The following CSMD1 variants were observed in gnomAD, a reference collection of about 807,000 sequenced individuals.
CSMD1 encodes CUB and sushi domain-containing protein 1.
A neutral mutation model predicts 417.5 loss-of-function variants in CSMD1; 213 were observed. The ratio of observed to expected loss-of-function variants is 0.51; its 90% confidence interval spans 0.46 to 0.57. CSMD1 has a LOEUF of 0.57. CSMD1 is among the 20% of genes least tolerant of loss of function. The probability of loss-of-function intolerance (pLI) is 0.00; values close to 1 mark genes in which losing one functional copy is unlikely to be tolerated. For synonymous variants in CSMD1, 2,862 were observed against 1,736.8 expected (o/e 1.65, Z -16.11); for missense variants, 6,923 against 4,529.7 (o/e 1.53, Z -15.17).
At chr8:3,974,737 T>G (rs982513167) in intron 5 of CSMD1, among the ~76,000 whole-genome samples, 1 of 151,964 alleles carries the variant, frequency 6.6e-6, no homozygotes, top group Non-Finnish European at 1.5e-5. Context: ...CAGGCAAAAC[T>G]AAATTTTGGT....
At chr8:3,185,830 T>G (rs2129049325) in intron 36 of CSMD1, among the ~76,000 whole-genome samples, 1 of 152,280 alleles carries the variant, frequency 6.6e-6, no homozygotes, top group Non-Finnish European at 1.5e-5. Flanking sequence ...CTGAAGAAAC[T>G]TAAATCTCTA....
At chr8:4,825,404 T>G (rs535119843) in intron 1 of CSMD1, among the ~76,000 whole-genome samples, 9 of 152,224 alleles carry the variant, frequency 5.9e-5, no homozygotes, top group African/African-American at 1.4e-4. Flanking sequence ...TATAATGCAG[T>G]GATGGTGACT....
intron 50 of CSMD1, among the ~76,000 whole-genome samples, chr8:3,048,527 T>A (rs556577257): frequency 8.5e-5 from 13 of 152,208 alleles, no homozygotes; most frequent in African/African-American, 3.1e-4. Context: ...AAACTGGATA[T>A]CTACATTCTA....
chr8:3,882,306 C>T (rs1057083475), intron 5 of CSMD1, among the ~76,000 whole-genome samples: 6 of 152,196 alleles, frequency 3.9e-5, no homozygotes, highest in African/African-American at 1.4e-4. Context: ...AGTCATTCAA[C>T]TTCATTAGCA....
At chr8:4,095,666 G>A (rs1800969962) in intron 3 of CSMD1, among the ~76,000 whole-genome samples, 1 of 152,128 alleles carries the variant, frequency 6.6e-6, no homozygotes, top group African/African-American at 2.4e-5. Flanking sequence ...ACAACTGAGG[G>A]TTCTTGTAAA....
At chr8:3,623,177 A>T (rs191012939) in intron 7 of CSMD1, among the ~76,000 whole-genome samples, 12 of 152,342 alleles carry the variant, frequency 7.9e-5, no homozygotes, top group Non-Finnish European at 1.8e-4. Flanking sequence ...TTGATTTTAA[A>T]AGTATAAATT....
chr8:3,344,514 C>A (rs954830357), intron 22 of CSMD1, among the ~76,000 whole-genome samples: 1 of 152,162 alleles, frequency 6.6e-6, no homozygotes, highest in African/African-American at 2.4e-5. Flanking sequence ...CCAATAACAA[C>A]AGAGCACTAG....
intron 12 of CSMD1, among the ~76,000 whole-genome samples, chr8:3,428,243 G>A (rs1470094608): frequency 1.3e-5 from 2 of 151,828 alleles, no homozygotes; most frequent in Non-Finnish European, 1.5e-5. Context: ...ACTCGAGGAA[G>A]GGGGGACCTT....
At chr8:4,140,800 T>C (rs35005672) in intron 3 of CSMD1, among the ~76,000 whole-genome samples, 6 of 150,680 alleles carry the variant, frequency 4.0e-5, no homozygotes, top group African/African-American at 1.5e-4. Context: ...TTTGATTTTC[T>C]AAGCGTGTAA....
intron 1 of CSMD1, among the ~76,000 whole-genome samples, chr8:4,810,697 G>C (rs1041135672): frequency 1.3e-5 from 2 of 152,160 alleles, no homozygotes; most frequent in African/African-American, 2.4e-5. Context: ...ATGTCAATGA[G>C]ATTCCGTCAT....
intron 3 of CSMD1, among the ~76,000 whole-genome samples, chr8:4,347,939 A>G (rs1800867949): frequency 6.6e-6 from 1 of 152,212 alleles, no homozygotes; most frequent in East Asian, 1.9e-4. Flanking sequence ...GAGCACAAAA[A>G]TAAAATGGAG....
chr8:3,544,022 A>G (rs562070974), intron 10 of CSMD1, among the ~76,000 whole-genome samples: 2 of 152,258 alleles, frequency 1.3e-5, no homozygotes, highest in East Asian at 3.9e-4. Flanking sequence ...GTAGGTAATA[A>G]AACAGTCTTC....
chr8:3,396,573 T>A (rs555262595), intron 16 of CSMD1, among the ~76,000 whole-genome samples, 192 bp from the exon 17 acceptor site: 1 of 152,308 alleles, frequency 6.6e-6, no homozygotes, highest in Admixed American at 6.5e-5. Context: ...ACGGCACAGC[T>A]TAAATCCCTT....
intron 5 of CSMD1, among the ~76,000 whole-genome samples, chr8:3,996,019 G>A (rs1005983902): frequency 6.6e-5 from 10 of 152,160 alleles, no homozygotes; most frequent in Non-Finnish European, 1.0e-4. Context: ...CTATGACAAG[G>A]ATGATCAATT....
chr8:3,693,727 G>T (rs1192511596), intron 7 of CSMD1, among the ~76,000 whole-genome samples: 1 of 152,106 alleles, frequency 6.6e-6, no homozygotes, highest in Non-Finnish European at 1.5e-5. Context: ...TGTTGTGTGT[G>T]TTATGCTTGT....
At chr8:4,971,577 C>A (rs1042435569) in intron 1 of CSMD1, among the ~76,000 whole-genome samples, 3 of 151,820 alleles carry the variant, frequency 2.0e-5, no homozygotes, top group Non-Finnish European at 2.9e-5. Flanking sequence ...TAGCAGTAGG[C>A]TATGTTTACC....
chr8:4,910,433 T>C (rs547776846), intron 1 of CSMD1, among the ~76,000 whole-genome samples: 5 of 152,286 alleles, frequency 3.3e-5, no homozygotes, highest in African/African-American at 1.2e-4. Context: ...GGCTGAGAAG[T>C]CCAGGATCAA....
At chr8:3,621,157 A>T (rs1796221475) in intron 7 of CSMD1, among the ~76,000 whole-genome samples, 1 of 152,182 alleles carries the variant, frequency 6.6e-6, no homozygotes, top group African/African-American at 2.4e-5. Flanking sequence ...TCAGGCTTCT[A>T]CCCTCTAGAA....
intron 10 of CSMD1, among the ~76,000 whole-genome samples, chr8:3,504,078 G>T (rs1796722299): frequency 6.6e-6 from 1 of 152,038 alleles, no homozygotes; most frequent in African/African-American, 2.4e-5. Context: ...TTTCAAAATA[G>T]CAAGAAAACA....
Sources: allele counts gnomAD v4.1 joint callset (sites outside exome capture counted in the v4.1 genomes callset), GRCh38; gene constraint gnomAD v4.1.1; transcripts MANE v1.5; gene names NCBI Gene and HGNC (gene_info 2026-07-23, HGNC 2026-07-21).